CSMD3: variants seen among roughly 807,000 people sequenced by gnomAD.
CSMD3 encodes the protein CUB and Sushi multiple domains 3.
A neutral mutation model predicts 435.2 loss-of-function variants in CSMD3; 177 were observed. That is an observed-to-expected ratio of 0.41 (90% CI 0.36 to 0.46). CSMD3 has a LOEUF of 0.46. CSMD3 is among the 20% of genes least tolerant of loss of function. The pLI is 0.34. For missense variants in CSMD3, 4,265 were observed against 4,504.6 expected (o/e 0.95, Z 1.52); for synonymous variants, 1,656 against 1,520.5 (o/e 1.09, Z -2.07).
chr8:112,700,393 C>T (rs1451590536), intron 13 of CSMD3, among the ~76,000 whole-genome samples: 1 of 151,934 alleles, frequency 6.6e-6, no homozygotes, highest in Admixed American at 6.6e-5. Context: ...CCCAGCTACT[C>T]GGGAGGTTGA....
rs528368926 is a variant in CSMD3 at position 113,396,814 on chromosome 8, C to A, written c.178+39863G>T. 3.9e-5 allele frequency among the ~76,000 whole-genome samples: 6 copies of A among 152,118 alleles called. 1 individual carries two copies. In the South Asian group the frequency reaches 1.2e-3, roughly 32 times the overall value. ...AATTCCTGTATAATCACAGTTTATTCATTTATAACACATCACTACCAGATA... is the reference window on the plus strand; with the variant it reads ...AATTCCTGTATAATCACAGTTTATTAATTTATAACACATCACTACCAGATA... On this transcript the variant is annotated intron_variant, in intron 1 of 70. Coordinates refer to ENST00000297405, the MANE Select transcript of CSMD3 (RefSeq NM_198123.2).
intron 10 of CSMD3, among the ~76,000 whole-genome samples, chr8:112,897,893 G>C (rs2081997721): frequency 6.6e-6 from 1 of 150,888 alleles, no homozygotes; most frequent in African/African-American, 2.4e-5. Flanking sequence ...CTAACCTTCA[G>C]GTTTTATTAT....
chr8:113,068,692 T>TA (rs1219327338), intron 5 of CSMD3, among the ~76,000 whole-genome samples: 1 of 152,150 alleles, frequency 6.6e-6, no homozygotes, highest in Non-Finnish European at 1.5e-5. Flanking sequence ...CTATTATACC[T>TA]AAAAGCAACC....
At chr8:112,819,122 T>A (rs1238944067) in intron 12 of CSMD3, among the ~76,000 whole-genome samples, 2 of 152,096 alleles carry the variant, frequency 1.3e-5, no homozygotes, top group Non-Finnish European at 2.9e-5. Flanking sequence ...AACACACACC[T>A]CACCTGTGCA....
At chr8:113,350,184 G>A (rs544959170) in intron 1 of CSMD3, among the ~76,000 whole-genome samples, 10 of 152,028 alleles carry the variant, frequency 6.6e-5, no homozygotes, top group Admixed American at 2.6e-4. Flanking sequence ...AACATCATAC[G>A]GAGGAGAAGA....
chr8:113,305,757 T>C (rs1226197491), intron 2 of CSMD3, among the ~76,000 whole-genome samples: 1 of 152,236 alleles, frequency 6.6e-6, no homozygotes, highest in African/African-American at 2.4e-5. Context: ...TATGCAATCA[T>C]TAATTTGAAT....
At chr8:113,000,406 C>T (rs1241067135) in intron 6 of CSMD3, among the ~76,000 whole-genome samples, 1 of 151,948 alleles carries the variant, frequency 6.6e-6, no homozygotes, top group East Asian at 1.9e-4. Flanking sequence ...CCACTTCCAT[C>T]CTTGAAACAT....
At chr8:113,333,294 T>C (rs749827431) in intron 1 of CSMD3, among the ~76,000 whole-genome samples, 3 of 151,796 alleles carry the variant, frequency 2.0e-5, no homozygotes, top group Non-Finnish European at 4.4e-5. Context: ...ATGAATTTCA[T>C]GTCATCACTT....
At chr8:113,374,368 G>A (rs1431514062) in intron 1 of CSMD3, among the ~76,000 whole-genome samples, 3 of 151,826 alleles carry the variant, frequency 2.0e-5, no homozygotes, top group African/African-American at 7.3e-5. Flanking sequence ...TTATTTTAAC[G>A]AATGAGACAA....
At chr8:113,385,406 G>C (rs1292053913) in intron 1 of CSMD3, among the ~76,000 whole-genome samples, 1 of 152,088 alleles carries the variant, frequency 6.6e-6, no homozygotes, top group Non-Finnish European at 1.5e-5. Flanking sequence ...GACAGATCTT[G>C]CTTATGTCTA....
rs2086540002 is a variant in CSMD3, at chr8:113,018,121, T to C, written c.1030+946A>G. ...ATTACAGTGATACTCAGTGCACTAT[T>C]ACGAAAGTCAAATTACAAATCACAT... is the stretch of plus-strand genomic sequence containing the variant. On this transcript the variant is annotated intron_variant, in intron 6 of 70. Coordinates refer to ENST00000297405, the MANE Select transcript of CSMD3 (RefSeq NM_198123.2). Among the ~76,000 whole-genome samples the C allele has an allele frequency of 2.0e-5, 3 of 152,192 alleles. No individual in the cohort carries two copies. In the South Asian group the frequency reaches 6.2e-4, roughly 31 times the overall value.
chr8:112,532,434 T>C (rs1825632772), intron 27 of CSMD3, among the ~76,000 whole-genome samples: 1 of 152,114 alleles, frequency 6.6e-6, no homozygotes, highest in Admixed American at 6.6e-5. Flanking sequence ...AACTCTCAAA[T>C]GTCAAGGACA....
At chr8:112,626,901 C>T (rs1193661647) in intron 22 of CSMD3, among the ~76,000 whole-genome samples, 2 of 152,066 alleles carry the variant, frequency 1.3e-5, no homozygotes, top group Non-Finnish European at 2.9e-5. Context: ...ATCTAACTTG[C>T]TTTGAATAAA....
intron 32 of CSMD3, among the ~76,000 whole-genome samples, chr8:112,456,658 T>C (rs1474705889): frequency 6.6e-6 from 1 of 152,056 alleles, no homozygotes; most frequent in Non-Finnish European, 1.5e-5. Context: ...ATGTTATGGT[T>C]TAGGGTGGGT....
At chr8:113,251,805 C>T (rs1794626966) in intron 3 of CSMD3, among the ~76,000 whole-genome samples, 2 of 151,998 alleles carry the variant, frequency 1.3e-5, no homozygotes, top group South Asian at 4.1e-4. Flanking sequence ...CCTGAATTCT[C>T]CATGATCTAA....
At chr8:113,008,175 CT>C (rs1336044676) in intron 6 of CSMD3, among the ~76,000 whole-genome samples, 1 of 151,622 alleles carries the variant, frequency 6.6e-6, no homozygotes, top group Non-Finnish European at 1.5e-5. Context: ...TTATATACTC[CT>C]TTTAAGTTGC....
intron 32 of CSMD3, among the ~76,000 whole-genome samples, chr8:112,451,375 A>G (rs1816248161): frequency 6.6e-6 from 1 of 152,176 alleles, no homozygotes; most frequent in African/African-American, 2.4e-5. Context: ...TGAAATGAAA[A>G]AAAAGAAAAA....
At chr8:112,437,635 T>C (rs1446918523) in intron 32 of CSMD3, among the ~76,000 whole-genome samples, 1 of 152,154 alleles carries the variant, frequency 6.6e-6, no homozygotes, top group Non-Finnish European at 1.5e-5. Context: ...ATAATTTGGA[T>C]ATTGAAAGCT....
At chr8:112,765,597 AAT>A (rs1435124243) in intron 13 of CSMD3, among the ~76,000 whole-genome samples, 5 of 151,774 alleles carry the variant, frequency 3.3e-5, no homozygotes, top group Admixed American at 6.6e-5. Flanking sequence ...ACTCATGTTC[AAT>A]ATGTTTCTTG....
Sources: gnomAD v4.1 joint callset for allele counts (sites outside exome capture counted in the v4.1 genomes callset) on GRCh38, gnomAD v4.1.1 for gene constraint, MANE v1.5 for transcripts, NCBI Gene and HGNC (gene_info 2026-07-23, HGNC 2026-07-21) for gene names.